The following CHST10 variants were observed in gnomAD, a reference collection of about 807,000 sequenced individuals.
The protein encoded by CHST10 is carbohydrate sulfotransferase 10.
Under a neutral mutation model 34.7 loss-of-function variants are expected in CHST10, and 24 were observed. The observed-to-expected ratio is 0.69, with a 90% CI of 0.50 to 0.97. The LOEUF is 0.97. CHST10 is among the 50% of genes least tolerant of loss of function. CHST10 has a pLI of 0.00. For synonymous variants in CHST10, 161 were observed against 169.3 expected (o/e 0.95, Z 0.38); for missense variants, 402 against 452.1 (o/e 0.89, Z 1.00).
At chr2:100,397,864 C>A (rs1378075306) in intron 5 of CHST10, 44 bp downstream of exon 5, 1 of 1,519,746 alleles carries the variant, frequency 6.6e-7, no homozygotes, top group South Asian at 1.2e-5. Context: ...CAGCACCGGC[C>A]ACCAAGACCC....
At chr2:100,404,282 G>A (rs1675469566) in intron 3 of CHST10, among the ~76,000 whole-genome samples, 1 of 152,156 alleles carries the variant, frequency 6.6e-6, no homozygotes, top group Non-Finnish European at 1.5e-5. Context: ...ACCACCAGCA[G>A]CCCCTGCCTC....
chr2:100,411,008 C>T (rs1198778742), intron 2 of CHST10, among the ~76,000 whole-genome samples: 1 of 151,818 alleles, frequency 6.6e-6, no homozygotes, highest in Non-Finnish European at 1.5e-5. Flanking sequence ...CATATACAAA[C>T]ATAGACACAT....
intron 4 of CHST10, among the ~76,000 whole-genome samples, chr2:100,401,426 C>A (rs762987147): frequency 1.3e-5 from 2 of 152,088 alleles, no homozygotes; most frequent in Admixed American, 1.3e-4. Flanking sequence ...CCGGGAGCAC[C>A]CTCCACCCGG....
At chr2:100,406,843 A>G in intron 2 of CHST10, 136 bp from the exon 3 acceptor site, 1 of 982,100 alleles carries the variant, frequency 1.0e-6, no homozygotes, top group South Asian at 1.7e-5. Context: ...TACAATAGGT[A>G]GTTTGACTTG....
At position 100,393,633 on chromosome 2, in the gene CHST10, T is replaced by A; in HGVS notation, c.683A>T (p.Asn228Ile). Residue 228 changes from asparagine (N) to isoleucine (I), a missense_variant, in exon 7 of 7, where the codon AAC becomes ATC. Transcript: ENST00000264249. ...APGIIRKYRR[N>I]RTETRGIQFE... ...CTGGATCCCCCGGGTCTCTGTCCGGTTCCTCCTGTATTTTCTGATGATGCC... is the reference window on the plus strand; with the variant it reads ...CTGGATCCCCCGGGTCTCTGTCCGGATCCTCCTGTATTTTCTGATGATGCC... The A allele has an allele frequency of 6.2e-7, 1 of 1,614,154 alleles. No individual in the cohort carries two copies. The highest frequency in any genetic ancestry group is 2.2e-5 in the East Asian group (1 of 44,890).
chr2:100,399,226 C>T (rs1255031422), intron 4 of CHST10, among the ~76,000 whole-genome samples: 4 of 152,100 alleles, frequency 2.6e-5, no homozygotes, highest in African/African-American at 9.7e-5. Context: ...GCCTCAGCCT[C>T]TCGAGTAGCT....
chr2:100,413,861 A>AAT (rs1224053854), intron 2 of CHST10, among the ~76,000 whole-genome samples: 4 of 152,156 alleles, frequency 2.6e-5, no homozygotes, highest in African/African-American at 9.7e-5. Context: ...CATGGTAAAT[A>AAT]AGCCCACTTA....
At chr2:100,409,231 C>A (rs961359351) in intron 2 of CHST10, among the ~76,000 whole-genome samples, 1 of 152,152 alleles carries the variant, frequency 6.6e-6, no homozygotes, top group African/African-American at 2.4e-5. Context: ...AGAATCAAAT[C>A]TTTCCAATGG....
At chr2:100,401,025 T>C (rs180762553) in intron 4 of CHST10, among the ~76,000 whole-genome samples, 5 of 152,362 alleles carry the variant, frequency 3.3e-5, no homozygotes, top group Admixed American at 3.3e-4. Context: ...ATCATGTTGA[T>C]AAATCCCCTT....
At chr2:100,394,367 C>A (rs145131130) in intron 6 of CHST10, among the ~76,000 whole-genome samples, 1 of 152,134 alleles carries the variant, frequency 6.6e-6, no homozygotes, top group Non-Finnish European at 1.5e-5. Context: ...ATGACAAAGA[C>A]GATGACAACA....
intron 6 of CHST10, among the ~76,000 whole-genome samples, chr2:100,395,128 C>T (rs750956916): frequency 3.9e-5 from 6 of 152,178 alleles, no homozygotes; most frequent in Non-Finnish European, 7.3e-5. Context: ...GGGCACAATG[C>T]CTCTGGGAGA....
At chr2:100,406,330 C>T (rs1675571796) in intron 3 of CHST10, among the ~76,000 whole-genome samples, 1 of 152,202 alleles carries the variant, frequency 6.6e-6, no homozygotes, top group African/African-American at 2.4e-5. Flanking sequence ...ACCACCCAGG[C>T]CTCAGCCACA....
rs768563801 is a variant in CHST10 at position 100,395,541 on chromosome 2, G to C, written c.501C>G (p.Leu167=). The part of the protein sequence containing the change: ...HDHEKNGLPR[L]SSFSDAEIQK... Reference sequence around the variant, plus strand: ...GAATTTCTGCATCACTGAAGGAAGAGAGCCGAGGAAGGCCGTTCTTCTCGT... The same window carrying C: ...GAATTTCTGCATCACTGAAGGAAGACAGCCGAGGAAGGCCGTTCTTCTCGT... Residue 167 remains leucine, a synonymous_variant, in exon 6 of 7, where the codon CTC becomes CTG. Transcript: ENST00000264249. 8 of 1,613,972 alleles carry C rather than the reference G, an allele frequency of 5.0e-6. No homozygotes were observed. In the South Asian group the frequency reaches 7.7e-5, roughly 16 times the overall value.
chr2:100,398,248 C>A, intron 4 of CHST10, 106 bp from the exon 5 acceptor site: 2 of 769,912 alleles, frequency 2.6e-6, no homozygotes, highest in Non-Finnish European at 4.2e-6. Context: ...CCATCTGGAG[C>A]CTTCTCTTCT....
intron 6 of CHST10, 62 bp downstream of exon 6, chr2:100,395,447 C>T (rs2104309458): frequency 6.9e-7 from 1 of 1,453,820 alleles, no homozygotes; most frequent in Non-Finnish European, 9.6e-7. Flanking sequence ...CTGGGGTTTT[C>T]CCCAAATTTC....
chr2:100,403,598 GAGA>G (rs1384718737), intron 3 of CHST10, among the ~76,000 whole-genome samples: 1 of 152,168 alleles, frequency 6.6e-6, no homozygotes, highest in South Asian at 2.1e-4. Context: ...GCAGGTAGGT[GAGA>G]AGAACATGCA....
intron 3 of CHST10, among the ~76,000 whole-genome samples, chr2:100,403,190 T>C (rs1310180144): frequency 6.6e-6 from 1 of 152,138 alleles, no homozygotes; most frequent in Admixed American, 6.5e-5. Flanking sequence ...CATGCAAAGA[T>C]GGTCAAGGCT....
chr2:100,393,884 G>A (rs1674923900), intron 6 of CHST10, 102 bp from the exon 7 acceptor site: 3 of 895,660 alleles, frequency 3.3e-6, no homozygotes, highest in Admixed American at 2.4e-5. Flanking sequence ...CTGTGTATGG[G>A]ACCCTCACGT....
intron 2 of CHST10, among the ~76,000 whole-genome samples, chr2:100,410,052 C>G (rs1472355907): frequency 2.6e-5 from 4 of 152,196 alleles, no homozygotes; most frequent in African/African-American, 9.6e-5. Context: ...CCTGCCAAAA[C>G]CACTCTCTTG....
Sources: allele counts gnomAD v4.1 joint callset (sites outside exome capture counted in the v4.1 genomes callset), GRCh38; gene constraint gnomAD v4.1.1; transcripts MANE v1.5; gene names NCBI Gene and HGNC (gene_info 2026-07-23, HGNC 2026-07-21).